Variants in CLDN10 observed in about 807,000 individuals in gnomAD.
CLDN10 encodes claudin 10, also known as claudin-10.
In CLDN10, 15 loss-of-function variants were observed where a neutral mutation model predicts 22.9. The ratio of observed to expected loss-of-function variants is 0.65; its 90% CI spans 0.44 to 1.01. The LOEUF (loss-of-function observed/expected upper bound fraction) is 1.01, where lower values mean the gene tolerates loss of function less well. Among genes scored for constraint, CLDN10 ranks in the 50% least tolerant of loss-of-function variants. The pLI, the probability that CLDN10 is intolerant of heterozygous loss-of-function variation, is 0.00. For synonymous variants in CLDN10, 114 were observed against 111.4 expected (o/e 1.02, Z -0.15); for missense variants, 247 against 287.8 (o/e 0.86, Z 1.03).
intron 1 of CLDN10, among the ~76,000 whole-genome samples, chr13:95,513,558 T>C: frequency 7.1e-6 from 1 of 140,590 alleles, no homozygotes; most frequent in Admixed American, 7.7e-5. Context: ...TTCTAGGTGT[T>C]AAAAGCAGTA....
At chr13:95,493,532 A>G (rs1207236080) in intron 1 of CLDN10, among the ~76,000 whole-genome samples, 1 of 148,684 alleles carries the variant, frequency 6.7e-6, no homozygotes, top group African/African-American at 2.5e-5. Flanking sequence ...GACACTCTAG[A>G]TACCCTATAT....
rs2138519301 is a variant in CLDN10, at chr13:95,493,073, G to T, written c.214+59026G>T. ...GTCCGCTTCCTTCAGAGGGTCTGCG[G>T]CTCCTCTCAGGATTGCTGGTTTGTT... On this transcript the variant is annotated intron_variant, in intron 1 of 4. Transcript: ENST00000376873. Among the ~76,000 whole-genome samples the T allele has an allele frequency of 2.0e-5, 3 of 152,234 alleles. 1 individual carries two copies. In the South Asian group the frequency reaches 6.2e-4, roughly 32 times the overall value.
At chr13:95,494,799 G>A (rs922742184) in intron 1 of CLDN10, among the ~76,000 whole-genome samples, 2 of 152,030 alleles carry the variant, frequency 1.3e-5, no homozygotes, top group Non-Finnish European at 2.9e-5. Flanking sequence ...CACCTAGTCT[G>A]GCCCCATCAT....
intron 3 of CLDN10, among the ~76,000 whole-genome samples, chr13:95,572,459 TTTGTAAAATGAGGATAGTAATA>T: frequency 6.6e-6 from 1 of 152,258 alleles, no homozygotes; most frequent in East Asian, 1.9e-4. Context: ...AGTTTCCTCA[TTTGTAAAATGAGGATAGTAATA>T]CCTATCTCCC....
chr13:95,489,821 G>A (rs1167616380), intron 1 of CLDN10, among the ~76,000 whole-genome samples: 2 of 152,158 alleles, frequency 1.3e-5, no homozygotes, highest in Non-Finnish European at 2.9e-5. Flanking sequence ...TTTTTCCAAT[G>A]TTATCTTCTA....
At chr13:95,568,295 C>T (rs948600876) in intron 3 of CLDN10, among the ~76,000 whole-genome samples, 1 of 152,152 alleles carries the variant, frequency 6.6e-6, no homozygotes, top group African/African-American at 2.4e-5. Flanking sequence ...AAGTGTTACT[C>T]AGTGGTTTCA....
At chr13:95,499,165 T>C (rs1009588007) in intron 1 of CLDN10, among the ~76,000 whole-genome samples, 4 of 152,350 alleles carry the variant, frequency 2.6e-5, no homozygotes, top group Non-Finnish European at 2.9e-5. Context: ...ATGAAAATGC[T>C]TGGAGTTGTG....
intron 1 of CLDN10, among the ~76,000 whole-genome samples, chr13:95,469,266 T>C (rs1012064224): frequency 6.6e-6 from 1 of 152,040 alleles, no homozygotes; most frequent in Non-Finnish European, 1.5e-5. Flanking sequence ...AGAAATGATG[T>C]GCCATGGAGA....
chr13:95,554,806 A>G (rs1476911383), intron 1 of CLDN10, among the ~76,000 whole-genome samples: 1 of 152,200 alleles, frequency 6.6e-6, no homozygotes, highest in African/African-American at 2.4e-5. Context: ...CCATAGATCC[A>G]TTGTGGACAT....
intron 3 of CLDN10, 96 bp from the exon 4 acceptor site, chr13:95,577,134 AC>A: frequency 1.3e-6 from 1 of 781,222 alleles, no homozygotes; most frequent in Non-Finnish European, 2.1e-6. Context: ...TAGCAAAAAA[AC>A]ATAATAAGCA....
chr13:95,443,562 T>C (rs1002799518), intron 1 of CLDN10, among the ~76,000 whole-genome samples: 3 of 152,098 alleles, frequency 2.0e-5, no homozygotes, highest in Non-Finnish European at 1.5e-5. Flanking sequence ...GGAAACCATG[T>C]TCCTGAGTCC....
At chr13:95,553,052 C>G in intron 1 of CLDN10, 79 bp downstream of exon 1, 2 of 1,547,428 alleles carry the variant, frequency 1.3e-6, no homozygotes, top group Non-Finnish European at 1.7e-6. Context: ...GCCCCCAATA[C>G]CCCCAGCGGG....
intron 1 of CLDN10, among the ~76,000 whole-genome samples, chr13:95,527,888 A>G (rs2043301368): frequency 6.6e-6 from 1 of 152,180 alleles, no homozygotes; most frequent in African/African-American, 2.4e-5. Flanking sequence ...ATTTGTAGGG[A>G]AAAGTTTTTT....
intron 1 of CLDN10, among the ~76,000 whole-genome samples, chr13:95,555,729 C>A (rs1343224329): frequency 2.6e-5 from 4 of 152,202 alleles, no homozygotes; most frequent in Non-Finnish European, 5.9e-5. Flanking sequence ...AGGGTTAAAT[C>A]ATGCAACTGT....
intron 1 of CLDN10, among the ~76,000 whole-genome samples, chr13:95,510,992 T>C (rs1168547663): frequency 6.6e-6 from 1 of 152,148 alleles, no homozygotes; most frequent in Admixed American, 6.6e-5. Context: ...GCCAAAAAAA[T>C]GTAAAGCTCC....
rs1489951611 is a variant in CLDN10, at chr13:95,577,976, A to C, written c.649A>C (p.Asn217His). The change falls in exon 5 of 5, where the codon AAC (asparagine) becomes CAC (histidine). Residue 217 changes from asparagine (N) to histidine (H), a missense_variant. Physicochemically the swap from Asn to His is moderately conservative, Grantham distance 68 (BLOSUM62 1). Transcript: ENST00000299339. ...YHGGEDFKTTNPSKQFDKNAY... is the reference protein window; with the variant it reads ...YHGGEDFKTTHPSKQFDKNAY... ...TGGTGGAGAAGATTTTAAAACAACAAACCCTTCAAAACAGTTTGATAAAAA... is the reference window on the plus strand; with the variant it reads ...TGGTGGAGAAGATTTTAAAACAACACACCCTTCAAAACAGTTTGATAAAAA... The C allele has an allele frequency of 1.9e-6, 3 of 1,613,288 alleles. No individual in the cohort carries two copies. The highest frequency in any genetic ancestry group is 3.3e-4 in the Middle Eastern group (2 of 6,082).
intron 1 of CLDN10, among the ~76,000 whole-genome samples, chr13:95,496,373 CAG>C (rs1451884217): frequency 6.6e-6 from 1 of 152,194 alleles, no homozygotes; most frequent in Non-Finnish European, 1.5e-5. Context: ...CAGGACTTTT[CAG>C]AGTCTTTGAT....
chr13:95,493,602 A>G (rs1330464707), intron 1 of CLDN10, among the ~76,000 whole-genome samples: 1 of 143,690 alleles, frequency 7.0e-6, no homozygotes, highest in Non-Finnish European at 1.5e-5. Flanking sequence ...TCTGTCACCT[A>G]GGCTGGAGTA....
intron 1 of CLDN10, among the ~76,000 whole-genome samples, chr13:95,537,482 T>C (rs2043413151): frequency 1.3e-5 from 2 of 152,122 alleles, no homozygotes; most frequent in South Asian, 4.1e-4. Flanking sequence ...GGGGATGATA[T>C]GCCAAAAAGG....
Sources: gnomAD v4.1 joint callset for allele counts (sites outside exome capture counted in the v4.1 genomes callset) on GRCh38, gnomAD v4.1.1 for gene constraint, MANE v1.5 for transcripts, NCBI Gene and HGNC (gene_info 2026-07-23, HGNC 2026-07-21) for gene names.